The following GPR39 variants were observed in gnomAD, a reference collection of about 807,000 sequenced individuals.
The protein encoded by GPR39 is G protein-coupled receptor 39.
GPR39 carries 23 observed loss-of-function variants against 18.4 expected under a neutral mutation model. That is an observed-to-expected ratio of 1.25 (90% CI 0.90 to 1.77). The LOEUF (loss-of-function observed/expected upper bound fraction) is 1.77. Ranked by LOEUF, GPR39 falls within the 40% of genes most tolerant of loss-of-function variation. The pLI is 0.00. For synonymous variants in GPR39, 280 were observed against 257.9 expected (o/e 1.09, Z -0.82); for missense variants, 647 against 602.4 (o/e 1.07, Z -0.78).
At chr2:132,539,892 G>T (rs1679832695) in intron 1 of GPR39, among the ~76,000 whole-genome samples, 1 of 152,166 alleles carries the variant, frequency 6.6e-6, no homozygotes, top group African/African-American at 2.4e-5. Context: ...CACATAGGAG[G>T]TTTCCAGGCA....
chr2:132,528,899 G>A (rs1679558854), intron 1 of GPR39, among the ~76,000 whole-genome samples: 1 of 152,130 alleles, frequency 6.6e-6, no homozygotes, highest in Non-Finnish European at 1.5e-5. Flanking sequence ...GAGCCAAGAT[G>A]ACTGAATAGG....
chr2:132,458,155 C>A (rs1680766306), intron 1 of GPR39, among the ~76,000 whole-genome samples: 1 of 152,110 alleles, frequency 6.6e-6, no homozygotes, highest in Admixed American at 6.5e-5. Flanking sequence ...CCAACCAGTC[C>A]CAATGAGATG....
intron 1 of GPR39, among the ~76,000 whole-genome samples, chr2:132,516,438 G>T (rs1178521834): frequency 6.6e-6 from 1 of 152,154 alleles, no homozygotes; most frequent in African/African-American, 2.4e-5. Flanking sequence ...GTTCAATACA[G>T]GACAGGGAAG....
Position 132,455,785 on chromosome 2 carries a change from GC to G in GPR39, c.856+37888del, listed in dbSNP as rs567782914. 3.9e-3 allele frequency among the ~76,000 whole-genome samples: 589 copies of G among 152,296 alleles called. 8 individuals carry two copies. Among genetic ancestry groups the G allele is most frequent in the African/African-American group, 0.013 (557 of 41,564 alleles). On this transcript the variant is annotated intron_variant, in intron 1 of 1. Transcript: ENST00000329321. ...GGTTGTTCAGTTTCCATGTAGTTGT[GC>G]GGTTTTGAGTGAGTTTCTTAATCCT... is the stretch of plus-strand genomic sequence containing the variant.
intron 1 of GPR39, among the ~76,000 whole-genome samples, chr2:132,619,488 C>T (rs945657985): frequency 2.0e-5 from 3 of 152,140 alleles, no homozygotes; most frequent in East Asian, 3.9e-4. Flanking sequence ...AGTCACAGAA[C>T]GGCCAAGAAA....
At chr2:132,507,712 T>C (rs1011650871) in intron 1 of GPR39, among the ~76,000 whole-genome samples, 13 of 152,180 alleles carry the variant, frequency 8.5e-5, no homozygotes, top group Admixed American at 7.9e-4. Flanking sequence ...CAAACTGAAT[T>C]TGAGTGTTCC....
chr2:132,476,338 GA>G (rs767164404), intron 1 of GPR39, among the ~76,000 whole-genome samples: 1 of 152,068 alleles, frequency 6.6e-6, no homozygotes, highest in African/African-American at 2.4e-5. Flanking sequence ...CATGTATATT[GA>G]AAGATATATT....
chr2:132,642,917 T>C (rs970295333), intron 1 of GPR39, among the ~76,000 whole-genome samples: 1 of 152,172 alleles, frequency 6.6e-6, no homozygotes, highest in Non-Finnish European at 1.5e-5. Context: ...TGTGGCTTCC[T>C]CAGGTATGGT....
chr2:132,533,194 A>G (rs1679674672), intron 1 of GPR39, among the ~76,000 whole-genome samples: 1 of 151,800 alleles, frequency 6.6e-6, no homozygotes, highest in Non-Finnish European at 1.5e-5. Context: ...ATTCTTATAC[A>G]CCAACAACAG....
chr2:132,595,475 T>G (rs1680925573), intron 1 of GPR39, among the ~76,000 whole-genome samples: 1 of 152,166 alleles, frequency 6.6e-6, no homozygotes. Flanking sequence ...CCTTGTCCTG[T>G]GTGGCCTGGT....
chr2:132,554,370 C>T (rs774213703), intron 1 of GPR39, among the ~76,000 whole-genome samples: 163 of 152,332 alleles, frequency 1.1e-3, no homozygotes, highest in Non-Finnish European at 1.7e-3. Flanking sequence ...GGCTCAGAGT[C>T]AACAGTCACA....
chr2:132,501,550 C>T (rs2104750799), intron 1 of GPR39, among the ~76,000 whole-genome samples: 1 of 152,210 alleles, frequency 6.6e-6, no homozygotes, highest in Middle Eastern at 3.4e-3. Flanking sequence ...AATATATATT[C>T]TGCAGTTGTT....
chr2:132,537,256 C>T (rs1262010094), intron 1 of GPR39, among the ~76,000 whole-genome samples: 1 of 152,180 alleles, frequency 6.6e-6, no homozygotes, highest in Non-Finnish European at 1.5e-5. Context: ...TCTTGTAAGG[C>T]AGTCCTGTGG....
chr2:132,493,488 C>CATATATATATACACT (rs1681560924), intron 1 of GPR39, among the ~76,000 whole-genome samples: 2 of 117,486 alleles, frequency 1.7e-5, no homozygotes, highest in African/African-American at 6.8e-5. Context: ...ATATATACAC[C>CATATATATATACACT]ATATATATAT....
chr2:132,505,962 T>C (rs1679127978), intron 1 of GPR39, among the ~76,000 whole-genome samples: 1 of 152,242 alleles, frequency 6.6e-6, no homozygotes, highest in Non-Finnish European at 1.5e-5. Context: ...TTTTAGTTTT[T>C]TGAGAAATCT....
chr2:132,503,580 T>C (rs1573635442), intron 1 of GPR39, among the ~76,000 whole-genome samples: 1 of 152,190 alleles, frequency 6.6e-6, no homozygotes, highest in East Asian at 1.9e-4. Context: ...TAAGAGTTCA[T>C]CAACTGCAGT....
intron 1 of GPR39, among the ~76,000 whole-genome samples, chr2:132,614,475 G>A (rs1333547479): frequency 6.6e-6 from 1 of 152,102 alleles, no homozygotes; most frequent in Non-Finnish European, 1.5e-5. Context: ...TCTTGACCTT[G>A]TGATCCACAT....
chr2:132,527,465 A>G (rs768424377), intron 1 of GPR39, among the ~76,000 whole-genome samples: 2 of 152,224 alleles, frequency 1.3e-5, no homozygotes, highest in Admixed American at 1.3e-4. Flanking sequence ...CAGTAATGGC[A>G]TGGCTGGGTC....
chr2:132,442,450 C>T (rs755613075), intron 1 of GPR39, among the ~76,000 whole-genome samples: 1 of 152,090 alleles, frequency 6.6e-6, no homozygotes, highest in Admixed American at 6.6e-5. Flanking sequence ...TCTAAATGTC[C>T]GCTCCCTGAC....
Sources: gnomAD v4.1 joint callset for allele counts (sites outside exome capture counted in the v4.1 genomes callset) on GRCh38, gnomAD v4.1.1 for gene constraint, MANE v1.5 for transcripts, NCBI Gene and HGNC (gene_info 2026-07-23, HGNC 2026-07-21) for gene names.